The following PCDHA9 variants were observed in gnomAD, a reference collection of about 807,000 sequenced individuals.
PCDHA9 encodes the protein protocadherin alpha-9.
A neutral mutation model predicts 62.0 loss-of-function variants in PCDHA9; 62 were observed. The observed-to-expected ratio is 1.00, with a 90% CI of 0.81 to 1.23. The LOEUF is 1.23. Among genes scored for constraint, PCDHA9 ranks in the 50% most tolerant of loss-of-function variants. The probability of loss-of-function intolerance (pLI) is 0.00; values close to 1 mark genes in which losing one functional copy is unlikely to be tolerated. For missense variants in PCDHA9, 1,205 were observed against 1,249.8 expected (o/e 0.96, Z 0.54); for synonymous variants, 557 against 567.6 (o/e 0.98, Z 0.27).
chr5:140,962,495 C>T (rs2153732507), intron 1 of PCDHA9, among the ~76,000 whole-genome samples: 1 of 152,240 alleles, frequency 6.6e-6, no homozygotes, highest in Admixed American at 6.5e-5. Context: ...AATTTTCAGA[C>T]ACCTCAGCCA....
chr5:140,914,801 A>G (rs976508278), intron 1 of PCDHA9, among the ~76,000 whole-genome samples: 2 of 152,164 alleles, frequency 1.3e-5, no homozygotes, highest in African/African-American at 4.8e-5. Context: ...TTTTAAACTG[A>G]TGGCAACTTA....
Position 140,931,736 on chromosome 5 carries a change from G to T in PCDHA9, c.2395-47213G>T, listed in dbSNP as rs550065133. On this transcript the variant is annotated intron_variant, in intron 1 of 3. Transcript: ENST00000532602. ...TAACTTCTATAAATATGGGGTATTT[G>T]TAATTCACAAAGGCATTTGTTATTT... is the stretch of plus-strand genomic sequence containing the variant. Among the ~76,000 whole-genome samples, 307 of 152,008 alleles carry T rather than the reference G, an allele frequency of 2.0e-3. 3 individuals carry two copies. The highest frequency in any genetic ancestry group is 7.2e-3 in the African/African-American group (300 of 41,524).
chr5:140,945,605 C>G (rs564297850), intron 1 of PCDHA9, among the ~76,000 whole-genome samples: 1 of 152,166 alleles, frequency 6.6e-6, no homozygotes, highest in East Asian at 1.9e-4. Context: ...CTATAATAAT[C>G]AAAACAGCAT....
chr5:140,911,687 G>A (rs1554194873), intron 1 of PCDHA9, among the ~76,000 whole-genome samples: 1 of 152,166 alleles, frequency 6.6e-6, no homozygotes, highest in Non-Finnish European at 1.5e-5. Context: ...CGTGCATCAG[G>A]AGTGTCAAAT....
intron 1 of PCDHA9, chr5:140,856,717 A>T: frequency 6.3e-7 from 1 of 1,596,480 alleles, no homozygotes; most frequent in Non-Finnish European, 8.6e-7. Flanking sequence ...AATTTACCGG[A>T]TCTGTTTCTC....
intron 1 of PCDHA9, chr5:140,883,477 C>CTACT: frequency 6.2e-7 from 1 of 1,614,172 alleles, no homozygotes; most frequent in Middle Eastern, 1.7e-4. Context: ...CCTACAAGAA[C>CTACT]TACTACTCAT....
chr5:140,850,702 A>G lies in PCDHA9; in HGVS notation c.2207A>G (p.Lys736Arg). Residue 736 changes from lysine (K) to arginine (R), a missense_variant, in exon 1 of 4, where the codon AAG (lysine) becomes AGG (arginine). Around this residue, in one of 3 missense-constraint regions of PCDHA9, gnomAD observed 887 missense variants for 809.5 expected, o/e 1.10. Coordinates refer to ENST00000532602, the MANE Select transcript of PCDHA9 (RefSeq NM_031857.2). ...ACCGAGGGCGAGTGCGCGCCTGGCAAGCCGACGCTGGTGTGTTCTAGCGCG... is the reference window on the plus strand; with the variant it reads ...ACCGAGGGCGAGTGCGCGCCTGGCAGGCCGACGCTGGTGTGTTCTAGCGCG... ...MPTEGECAPG[K>R]PTLVCSSAVG... The G allele has an allele frequency of 6.3e-7, 1 of 1,598,166 alleles. No homozygotes were observed. The highest frequency in any genetic ancestry group is 1.7e-4 in the Middle Eastern group (1 of 5,998).
At chr5:140,926,979 G>A (rs782354889) in intron 1 of PCDHA9, 1 of 1,610,590 alleles carries the variant, frequency 6.2e-7, no homozygotes. Flanking sequence ...TGCCGGAGGA[G>A]ACGGAGCGGG....
chr5:140,878,006 C>T (rs251378), intron 1 of PCDHA9: 602,670 of 913,772 alleles, frequency 0.66, 200,442 homozygotes, highest in African/African-American at 0.71. Flanking sequence ...ATTTGTCTAA[C>T]ATTAATGAAG....
intron 1 of PCDHA9, chr5:140,859,513 T>C: frequency 5.1e-6 from 1 of 196,260 alleles, no homozygotes; most frequent in Non-Finnish European, 1.0e-5. Context: ...ACCCATGATT[T>C]CATTTTTAAA....
At chr5:140,855,048 A>G (rs2043321235) in intron 1 of PCDHA9, among the ~76,000 whole-genome samples, 1 of 149,960 alleles carries the variant, frequency 6.7e-6, no homozygotes, top group Admixed American at 6.7e-5. Flanking sequence ...CTGTAATAGT[A>G]CTTTTCTGTT....
At chr5:140,926,707 C>A in intron 1 of PCDHA9, 5 of 886,092 alleles carry the variant, frequency 5.6e-6, no homozygotes, top group Non-Finnish European at 7.9e-6. Context: ...TCCCAGCTGG[C>A]CAGCCCCGGC....
At chr5:140,863,871 C>T (rs2048215005) in intron 1 of PCDHA9, 1 of 171,736 alleles carries the variant, frequency 5.8e-6, no homozygotes, top group East Asian at 1.5e-4. Context: ...TGTGGTGGTG[C>T]GCACCTGTAA....
chr5:140,965,708 A>T (rs2095927788), intron 1 of PCDHA9, among the ~76,000 whole-genome samples: 1 of 152,244 alleles, frequency 6.6e-6, no homozygotes, highest in African/African-American at 2.4e-5. Context: ...AGCTTGAGAG[A>T]AGAATCTCTT....
In PCDHA9 at chr5:140,870,897, G is replaced by A. The variant is rs372076650; in HGVS notation, c.2394+20008G>A. 4 of 1,613,942 alleles carry A rather than the reference G, an allele frequency of 2.5e-6. No individual in the cohort carries two copies. In the African/African-American group the frequency reaches 4.0e-5, roughly 16 times the overall value. Reference sequence around the variant, plus strand: ...TGGCGAAGGTGCGCGCAGTGGATGCGGACTCAGGCTACAACGCGTGGCTTT... The same window carrying A: ...TGGCGAAGGTGCGCGCAGTGGATGCAGACTCAGGCTACAACGCGTGGCTTT... On this transcript the variant is annotated intron_variant, in intron 1 of 3. Coordinates refer to ENST00000532602, the MANE Select transcript of PCDHA9 (RefSeq NM_031857.2).
At chr5:140,967,957 C>A in intron 1 of PCDHA9, 1 of 1,614,222 alleles carries the variant, frequency 6.2e-7, no homozygotes, top group Admixed American at 1.7e-5. Context: ...CAGGCCCCAA[C>A]CGGAAAGTGA....
At chr5:140,968,756 G>T in intron 1 of PCDHA9, 1 of 1,614,202 alleles carries the variant, frequency 6.2e-7, no homozygotes, top group Non-Finnish European at 8.5e-7. Flanking sequence ...GGTGGTCCGA[G>T]ATAATGGAGA....
intron 1 of PCDHA9, chr5:140,868,220 A>C (rs1360862031): frequency 6.6e-6 from 1 of 152,156 alleles, no homozygotes; most frequent in Admixed American, 6.5e-5. Context: ...TATATGTCAA[A>C]TAAAAACTCA....
At chr5:140,892,616 G>A (rs781995267) in intron 1 of PCDHA9, among the ~76,000 whole-genome samples, 1 of 151,910 alleles carries the variant, frequency 6.6e-6, no homozygotes, top group Admixed American at 6.6e-5. Flanking sequence ...TTTATTTCCA[G>A]TTGGTACATA....
Sources: gnomAD v4.1 joint callset for allele counts (sites outside exome capture counted in the v4.1 genomes callset) on GRCh38, gnomAD v4.1.1 for gene constraint, gnomAD v4.1.1 regional missense constraint, MANE v1.5 for transcripts, NCBI Gene and HGNC (gene_info 2026-07-23, HGNC 2026-07-21) for gene names.